ANKS1B: variants seen among roughly 807,000 people sequenced by gnomAD.
The protein encoded by ANKS1B is ankyrin repeat and sterile alpha motif domain containing 1B.
In ANKS1B, 36 loss-of-function variants were observed where a neutral mutation model predicts 148.3. That is an observed-to-expected ratio of 0.24 (90% CI 0.19 to 0.32). The LOEUF is 0.32. ANKS1B is among the 10% of genes least tolerant of loss of function. The pLI is 1.00. For missense variants in ANKS1B, 1,157 were observed against 1,542.6 expected (o/e 0.75, Z 4.19); for synonymous variants, 542 against 560.8 (o/e 0.97, Z 0.47).
intron 15 of ANKS1B, among the ~76,000 whole-genome samples, chr12:99,113,007 TA>T (rs2060618880): frequency 6.6e-6 from 1 of 152,148 alleles, no homozygotes; most frequent in African/African-American, 2.4e-5. Flanking sequence ...AGTAGTAAAA[TA>T]AAACCTTATA....
chr12:99,880,646 G>A (rs1159624304), intron 1 of ANKS1B, among the ~76,000 whole-genome samples: 2 of 152,158 alleles, frequency 1.3e-5, no homozygotes, highest in Admixed American at 1.3e-4. Flanking sequence ...AATGAGTAAA[G>A]GACATAAAAC....
At chr12:98,884,034 G>T (rs942002833) in intron 17 of ANKS1B, among the ~76,000 whole-genome samples, 1 of 152,064 alleles carries the variant, frequency 6.6e-6, no homozygotes, top group African/African-American at 2.4e-5. Flanking sequence ...TGTATACGTA[G>T]ATTCACATTA....
chr12:99,092,141 G>C (rs1000080496), intron 15 of ANKS1B, among the ~76,000 whole-genome samples: 5 of 147,780 alleles, frequency 3.4e-5, no homozygotes, highest in Non-Finnish European at 7.6e-5. Flanking sequence ...GACCTGGGGG[G>C]TTTCTAGTTT....
At chr12:99,735,538 T>C (rs908617891) in intron 8 of ANKS1B, among the ~76,000 whole-genome samples, 4 of 152,014 alleles carry the variant, frequency 2.6e-5, no homozygotes, top group African/African-American at 9.7e-5. Flanking sequence ...CCTGGACATA[T>C]ACAGCCTACC....
intron 17 of ANKS1B, among the ~76,000 whole-genome samples, chr12:98,918,866 G>C (rs1009379729): frequency 6.6e-6 from 1 of 152,024 alleles, no homozygotes; most frequent in Non-Finnish European, 1.5e-5. Context: ...ACTCCAGCTT[G>C]TTTATGTCTT....
chr12:99,273,574 ATTTTTT>A (rs1188069212), intron 12 of ANKS1B, among the ~76,000 whole-genome samples: 1 of 97,054 alleles, frequency 1.0e-5, no homozygotes, highest in Non-Finnish European at 2.0e-5. Flanking sequence ...TTTTTTTGCG[ATTTTTT>A]TTTTTTTTTT....
At chr12:99,291,993 T>C (rs559551683) in intron 12 of ANKS1B, among the ~76,000 whole-genome samples, 3 of 152,192 alleles carry the variant, frequency 2.0e-5, no homozygotes, top group Middle Eastern at 3.4e-3. Flanking sequence ...TTACACCTTA[T>C]ACAAAAATTA....
Position 98,798,936 on chromosome 12 carries a change from G to A in ANKS1B, c.3340C>T (p.Arg1114Trp), listed in dbSNP as rs1410929626. 10 of 1,609,164 alleles carry A rather than the reference G, an allele frequency of 6.2e-6. No homozygotes were observed. Among genetic ancestry groups the A allele is most frequent in the Non-Finnish European group, 7.6e-6 (9 of 1,177,750 alleles). The stretch of plus-strand genomic sequence containing the variant: ...ATAAAGTAGTTTGGCAGACTTACCC[G>A]CATTTTTGCACAAGCATCTTGGGTT... ...ESTQDACAKM[R>W]ANCQKSTEQM... The change falls in exon 22 of 27, where the codon CGG (arginine) becomes TGG (tryptophan). Residue 1114 changes from arginine to tryptophan, a missense_variant and splice_region_variant. By Grantham distance (101) the Arg-to-Trp change is moderately radical. This residue lies in a region of ANKS1B where 258 missense variants were observed against 497.0 expected (regional missense o/e 0.52). Coordinates refer to ENST00000683438, the MANE Select transcript of ANKS1B (RefSeq NM_001352186.2).
chr12:99,372,019 G>C (rs910024935), intron 12 of ANKS1B, among the ~76,000 whole-genome samples: 3 of 152,128 alleles, frequency 2.0e-5, no homozygotes, highest in African/African-American at 7.2e-5. Flanking sequence ...TTTCAGGGCA[G>C]TGAAATATTC....
intron 8 of ANKS1B, among the ~76,000 whole-genome samples, chr12:99,680,270 G>A (rs1217093435): frequency 4.6e-5 from 7 of 152,198 alleles, no homozygotes; most frequent in South Asian, 4.2e-4. Flanking sequence ...GCAAAACCCC[G>A]CCTCTACTAA....
intron 12 of ANKS1B, among the ~76,000 whole-genome samples, chr12:99,288,488 G>A (rs1029332384): frequency 6.6e-6 from 1 of 152,056 alleles, no homozygotes; most frequent in Admixed American, 6.6e-5. Flanking sequence ...AAACTCACTG[G>A]TCATAATAAA....
intron 8 of ANKS1B, among the ~76,000 whole-genome samples, chr12:99,744,621 C>G (rs565241798): frequency 1.3e-5 from 2 of 152,282 alleles, no homozygotes; most frequent in East Asian, 3.9e-4. Context: ...GCCTTAGCAG[C>G]CTGAATAAAT....
intron 12 of ANKS1B, among the ~76,000 whole-genome samples, chr12:99,323,155 A>G (rs965209416): frequency 6.6e-6 from 1 of 152,216 alleles, no homozygotes. Context: ...CTGAAGGGTC[A>G]GCATACTGAT....
At chr12:99,884,689 A>C (rs2092725950) in intron 1 of ANKS1B, among the ~76,000 whole-genome samples, 1 of 152,194 alleles carries the variant, frequency 6.6e-6, no homozygotes, top group Admixed American at 6.5e-5. Flanking sequence ...TTCTGGAAAA[A>C]GCAAAAAAAC....
At chr12:99,806,257 G>T in intron 4 of ANKS1B, 147 bp downstream of exon 4, 1 of 895,840 alleles carries the variant, frequency 1.1e-6, no homozygotes, top group Non-Finnish European at 1.7e-6. Context: ...CCCAAAAGTA[G>T]GTGGCATAGT....
intron 6 of ANKS1B, among the ~76,000 whole-genome samples, chr12:99,777,007 C>T (rs928364637): frequency 6.6e-6 from 1 of 152,034 alleles, no homozygotes; most frequent in Non-Finnish European, 1.5e-5. Context: ...TAAATGTTAA[C>T]AGCTAATTCA....
At chr12:98,954,905 C>T (rs543953595) in intron 17 of ANKS1B, among the ~76,000 whole-genome samples, 1 of 152,232 alleles carries the variant, frequency 6.6e-6, no homozygotes, top group African/African-American at 2.4e-5. Context: ...CATAGAGCTT[C>T]AGTTCCTTCC....
intron 9 of ANKS1B, among the ~76,000 whole-genome samples, chr12:99,544,581 T>C (rs761177491): frequency 6.6e-6 from 1 of 152,306 alleles, no homozygotes; most frequent in South Asian, 2.1e-4. Context: ...GACAGCTTCA[T>C]TGCCACTGCC....
At chr12:99,868,753 T>G (rs1370700610) in intron 1 of ANKS1B, among the ~76,000 whole-genome samples, 1 of 152,072 alleles carries the variant, frequency 6.6e-6, no homozygotes, top group Non-Finnish European at 1.5e-5. Flanking sequence ...CTATAAAACA[T>G]TATTTTAAAA....
Sources: allele counts gnomAD v4.1 joint callset (sites outside exome capture counted in the v4.1 genomes callset), GRCh38; gene constraint gnomAD v4.1.1; regional missense constraint gnomAD v4.1.1; transcripts MANE v1.5; gene names NCBI Gene and HGNC (gene_info 2026-07-23, HGNC 2026-07-21).